The following TLCD4 variants were observed in gnomAD, a reference collection of about 807,000 sequenced individuals.
The protein encoded by TLCD4 is TLC domain-containing protein 4.
Under a neutral mutation model 24.2 loss-of-function variants are expected in TLCD4, and 7 were observed. The ratio of observed to expected loss-of-function variants is 0.29; its 90% CI spans 0.16 to 0.54. The LOEUF is 0.54. Among genes scored for constraint, TLCD4 ranks in the 20% least tolerant of loss-of-function variants. The probability of loss-of-function intolerance (pLI) is 0.95; values close to 1 mark genes in which losing one functional copy is unlikely to be tolerated. For missense variants in TLCD4, 259 were observed against 313.9 expected, an observed-to-expected ratio of 0.82 and a Z score of 1.32; for synonymous variants, 103 against 106.4, an observed-to-expected ratio of 0.97 and a Z score of 0.20.
upstream of TLCD4, among the ~76,000 whole-genome samples, chr1:95,115,330 A>T (rs1443875826): frequency 6.6e-6 from 1 of 151,974 alleles, no homozygotes; most frequent in Non-Finnish European, 1.5e-5. Context: ...CTGGTCTCGA[A>T]CTCTCAACCT....
the TLCD4 span, among the ~76,000 whole-genome samples, chr1:95,105,893 T>TCAAAAAAA: frequency 7.4e-4 from 76 of 102,884 alleles, 9 homozygotes; most frequent in South Asian, 2.4e-3. Context: ...AGACTCCGTC[T>TCAAAAAAA]TAAAAAAAAA....
At chr1:95,146,445 T>C (rs1362850258) in intron 2 of TLCD4, among the ~76,000 whole-genome samples, 1 of 152,130 alleles carries the variant, frequency 6.6e-6, no homozygotes, top group Non-Finnish European at 1.5e-5. Flanking sequence ...TTACACTACT[T>C]GTGATTAGTA....
intron 6 of TLCD4, among the ~76,000 whole-genome samples, chr1:95,176,062 C>T (rs1003558389): frequency 4.6e-5 from 7 of 152,060 alleles, no homozygotes; most frequent in African/African-American, 1.4e-4. Flanking sequence ...AGGTTTGAGC[C>T]ACCGTGCCTG....
chr1:95,149,805 G>A (rs1170208565), intron 3 of TLCD4, among the ~76,000 whole-genome samples: 1 of 152,154 alleles, frequency 6.6e-6, no homozygotes, highest in African/African-American at 2.4e-5. Flanking sequence ...CATAATTTTT[G>A]ATTTGAATTT....
At chr1:95,145,833 A>G (rs543307407) in intron 2 of TLCD4, among the ~76,000 whole-genome samples, 4 of 152,312 alleles carry the variant, frequency 2.6e-5, no homozygotes, top group South Asian at 2.1e-4. Flanking sequence ...CTGCCATTCT[A>G]TGACACAGGA....
intron 1 of TLCD4, among the ~76,000 whole-genome samples, chr1:95,121,476 T>C (rs1367628839): frequency 6.6e-6 from 1 of 152,196 alleles, no homozygotes; most frequent in Non-Finnish European, 1.5e-5. Context: ...AAAAGTATTC[T>C]TTTTTTCTTT....
chr1:95,098,030 A>G, the TLCD4 span, among the ~76,000 whole-genome samples: 5 of 152,216 alleles, frequency 3.3e-5, no homozygotes, highest in African/African-American at 1.2e-4. Flanking sequence ...CATTAATAAC[A>G]AAAAACAGTT....
chr1:95,106,692 AAAAC>A, the TLCD4 span, among the ~76,000 whole-genome samples: 2 of 152,232 alleles, frequency 1.3e-5, no homozygotes, highest in African/African-American at 4.8e-5. Context: ...GACCCATCTC[AAAAC>A]AAACAAACAG....
intron 1 of TLCD4, among the ~76,000 whole-genome samples, chr1:95,142,975 C>T (rs1390010082): frequency 6.3e-4 from 2 of 3,178 alleles, no homozygotes; most frequent in East Asian, 6.8e-3. Flanking sequence ...GGGGGCGTGG[C>T]GGAGGGGAGG....
In TLCD4 at chr1:95,151,403, C is replaced by T. The variant is rs1382392878; in HGVS notation, c.383C>T (p.Ala128Val). Residue 128 changes from alanine to valine, a missense_variant, in exon 5 of 7, where the codon GCA (alanine) becomes GTA (valine). Ala to Val is a moderately conservative substitution (Grantham distance 64). Transcript: ENST00000370203. Reference protein sequence around the residue: ...FIMHHCASLYAYYLVLKNGVL... With the variant: ...FIMHHCASLYVYYLVLKNGVL... ...ATGCATCATTGTGCGTCCCTGTATG[C>T]ATACTACCTTGTACTGGTGAGTTCC... 2 of 1,613,078 alleles carry T rather than the reference C, an allele frequency of 1.2e-6. No homozygotes were observed. The highest frequency in any genetic ancestry group is 2.7e-5 in the African/African-American group (2 of 74,876).
the TLCD4 span, among the ~76,000 whole-genome samples, chr1:95,100,915 T>G: frequency 6.6e-6 from 1 of 151,890 alleles, no homozygotes; most frequent in African/African-American, 2.4e-5. Context: ...TCCAACTTTT[T>G]TTTTTTTTTT....
At chr1:95,168,224 C>T (rs1678086846) in intron 5 of TLCD4, among the ~76,000 whole-genome samples, 1 of 152,154 alleles carries the variant, frequency 6.6e-6, no homozygotes. Context: ...CACAAGGTTA[C>T]ACAGCTAGTA....
intron 6 of TLCD4, among the ~76,000 whole-genome samples, chr1:95,179,635 T>C (rs1678563303): frequency 3.3e-5 from 5 of 152,266 alleles, no homozygotes; most frequent in Admixed American, 3.3e-4. Flanking sequence ...TATATGGCTT[T>C]GTAGGAGCCT....
At chr1:95,121,350 C>T (rs1160505232) in intron 1 of TLCD4, among the ~76,000 whole-genome samples, 1 of 152,098 alleles carries the variant, frequency 6.6e-6, no homozygotes, top group East Asian at 1.9e-4. Flanking sequence ...GAGGCTCACA[C>T]CTCCCCTCAC....
the TLCD4 span, among the ~76,000 whole-genome samples, chr1:95,112,053 G>T: frequency 6.6e-6 from 1 of 152,160 alleles, no homozygotes; most frequent in East Asian, 1.9e-4. Context: ...GCCATCTGGT[G>T]CTGGAAATTC....
upstream of TLCD4, among the ~76,000 whole-genome samples, chr1:95,114,004 T>C (rs550199160): frequency 6.6e-6 from 1 of 152,316 alleles, no homozygotes; most frequent in Non-Finnish European, 1.5e-5. Flanking sequence ...TGGTAATATC[T>C]TGAAATAGTT....
At chr1:95,126,192 T>C (rs2391628) in intron 1 of TLCD4, among the ~76,000 whole-genome samples, 149,303 of 151,722 alleles carry the variant, frequency 0.98, 73,511 homozygotes, top group East Asian at 1. Context: ...TTTGGGAGGC[T>C]GAGGTGAGTG....
chr1:95,153,024 A>C (rs949948472), intron 5 of TLCD4, among the ~76,000 whole-genome samples: 19 of 147,198 alleles, frequency 1.3e-4, no homozygotes, highest in African/African-American at 4.4e-4. Context: ...CTTGAAAATC[A>C]TTCAATATGC....
Position 95,163,286 on chromosome 1 carries a change from C to T in TLCD4, c.400-10530C>T, listed in dbSNP as rs191472313. ...ACTGATACCCTTTCTTCCACTTGAT[C>T]AAATCGGCTACTGAAGCTTGTGCAT... On this transcript the variant is annotated intron_variant, in intron 5 of 6. Coordinates refer to ENST00000370203, the MANE Select transcript of TLCD4 (RefSeq NM_152487.3). 2.0e-3 allele frequency: 304 copies of T among 152,264 alleles called. 2 individuals are homozygous for T. Among genetic ancestry groups the T allele is most frequent in the African/African-American group, 7.0e-3 (290 of 41,572 alleles). 9.4% of individuals were successfully genotyped at this position (152,264 alleles called of 1,614,324 possible).
Sources: gnomAD v4.1 joint callset for allele counts (sites outside exome capture counted in the v4.1 genomes callset) on GRCh38, gnomAD v4.1.1 for gene constraint, MANE v1.5 for transcripts, NCBI Gene and HGNC (gene_info 2026-07-23, HGNC 2026-07-21) for gene names.